The following SIRT5 variants were observed in gnomAD, a reference collection of about 807,000 sequenced individuals.
SIRT5 encodes the protein sirtuin 5.
Under a neutral mutation model 40.0 loss-of-function variants are expected in SIRT5, and 26 were observed. The observed-to-expected ratio is 0.65, with a 90% CI of 0.48 to 0.90. SIRT5 has a LOEUF of 0.90. Among genes scored for constraint, SIRT5 ranks in the 40% least tolerant of loss-of-function variants. The pLI is 0.00. For synonymous variants in SIRT5, 146 were observed against 149.1 expected, an observed-to-expected ratio of 0.98 and a Z score of 0.15; for missense variants, 401 against 402.4, an observed-to-expected ratio of 1.00 and a Z score of 0.03.
chr6:13,611,215 A>ATC (rs1300063043), intron 9 of SIRT5, among the ~76,000 whole-genome samples: 1 of 122,366 alleles, frequency 8.2e-6, no homozygotes, highest in East Asian at 2.4e-4. Flanking sequence ...GTGTATATAT[A>ATC]TATATATATA....
At chr6:13,584,776 T>C (rs1395198873) in intron 3 of SIRT5, among the ~76,000 whole-genome samples, 2 of 152,018 alleles carry the variant, frequency 1.3e-5, no homozygotes, top group African/African-American at 4.8e-5. Flanking sequence ...TACACATGTT[T>C]TGTACTATAA....
intron 9 of SIRT5, chr6:13,604,854 C>CT (rs1173245675): frequency 9.7e-7 from 1 of 1,034,342 alleles, no homozygotes; most frequent in African/African-American, 1.7e-5. Context: ...ATGATTGTCT[C>CT]TAACAAACAG....
In SIRT5 at chr6:13,579,515, T is replaced by G. The variant is rs1376573791; in HGVS notation, c.-130T>G. On this transcript the variant is annotated 5_prime_UTR_variant, in exon 2 of 10. Coordinates refer to ENST00000606117, the MANE Select transcript of SIRT5 (RefSeq NM_012241.5). ...GAAGAAAATAATTTTCTGGATCAAATTAGAAGTCTGTATTATATTGATGTC... is the reference window on the plus strand; with the variant it reads ...GAAGAAAATAATTTTCTGGATCAAAGTAGAAGTCTGTATTATATTGATGTC... 2 of 152,226 alleles carry G rather than the reference T, an allele frequency of 1.3e-5. No individual in the cohort carries two copies. The highest frequency in any genetic ancestry group is 2.9e-5 in the Non-Finnish European group (2 of 68,032). The allele number at this position is 152,226 out of a possible 1,614,324, so 9.4% of individuals were successfully genotyped here.
chr6:13,602,515 A>C (rs1317059824), intron 9 of SIRT5, among the ~76,000 whole-genome samples: 1 of 152,072 alleles, frequency 6.6e-6, no homozygotes, highest in Non-Finnish European at 1.5e-5. Flanking sequence ...AAAAAAAAAA[A>C]CTTACTACAA....
rs781700642 is a variant in SIRT5 at position 13,611,777 on chromosome 6, T to C, written c.858-13T>C. ...GTAGTTCAAAACTGCTGTATTTGCT[T>C]CTTCTCTTTCAGGTTTCATTTCCAG... On this transcript the variant is annotated splice_polypyrimidine_tract_variant and intron_variant, in intron 9 of 9. Coordinates refer to ENST00000606117, the MANE Select transcript of SIRT5 (RefSeq NM_012241.5). 2.5e-6 allele frequency: 4 copies of C among 1,600,956 alleles called. No homozygotes were observed. Among genetic ancestry groups the C allele is most frequent in the Non-Finnish European group, 3.4e-6 (4 of 1,168,188 alleles).
chr6:13,597,109 C>G (rs762359998), intron 7 of SIRT5, 93 bp downstream of exon 7: 2 of 968,200 alleles, frequency 2.1e-6, no homozygotes, highest in African/African-American at 3.3e-5. Flanking sequence ...TTTGGCAAGA[C>G]GCCTCTTAAA....
At chr6:13,597,469 C>T (rs528067414) in intron 7 of SIRT5, among the ~76,000 whole-genome samples, 2 of 148,636 alleles carry the variant, frequency 1.3e-5, no homozygotes, top group South Asian at 4.3e-4. Context: ...ATTTTTATGC[C>T]AATTTTTCAA....
rs1428001254 is a variant in SIRT5, at chr6:13,614,948, G to A, written c.*3083G>A. The A allele has an allele frequency of 5.4e-6, 1 of 184,400 alleles. No homozygotes were observed. The highest frequency in any genetic ancestry group is 2.3e-5 in the African/African-American group (1 of 42,582). 11.4% of individuals were successfully genotyped at this position (184,400 alleles called of 1,614,324 possible). Reference sequence around the variant, plus strand: ...AATCTACACAAAGACTGACAAGCTGGATCCACTCGACGGAACCCAGGGCCA... The same window carrying A: ...AATCTACACAAAGACTGACAAGCTGAATCCACTCGACGGAACCCAGGGCCA... On this transcript the variant is annotated 3_prime_UTR_variant, in exon 10 of 10. Coordinates refer to ENST00000606117, the MANE Select transcript of SIRT5 (RefSeq NM_012241.5).
intron 5 of SIRT5, among the ~76,000 whole-genome samples, chr6:13,593,332 G>GCACTACTCATTTCGA (rs1761173676): frequency 6.6e-6 from 1 of 152,154 alleles, no homozygotes; most frequent in Non-Finnish European, 1.5e-5. Context: ...GGAAAGCGAG[G>GCACTACTCATTTCGA]CACTACTCAT....
At chr6:13,590,575 G>A (rs1270709970) in intron 4 of SIRT5, among the ~76,000 whole-genome samples, 1 of 151,922 alleles carries the variant, frequency 6.6e-6, no homozygotes, top group East Asian at 1.9e-4. Flanking sequence ...TTAGTTGTGT[G>A]TGTATTAACA....
intron 4 of SIRT5, among the ~76,000 whole-genome samples, chr6:13,590,706 TGTTTA>T (rs1760758851): frequency 6.6e-6 from 1 of 151,552 alleles, no homozygotes; most frequent in South Asian, 2.1e-4. Flanking sequence ...TATGTGTGTA[TGTTTA>T]GTTGTGGGTG....
chr6:13,592,915 A>ATTTAAT (rs1554216371), intron 5 of SIRT5, among the ~76,000 whole-genome samples: 1 of 139,106 alleles, frequency 7.2e-6, no homozygotes, highest in Non-Finnish European at 1.5e-5. Flanking sequence ...ATTTAATTTA[A>ATTTAAT]TTTTTTTTTT....
intron 4 of SIRT5, chr6:13,589,436 T>A (rs922587977): frequency 1.3e-5 from 2 of 152,280 alleles, no homozygotes; most frequent in African/African-American, 4.8e-5. Context: ...GGCCTCTGTT[T>A]GTTTTATTCG....
At chr6:13,592,370 A>C (rs568739302) in intron 5 of SIRT5, among the ~76,000 whole-genome samples, 2 of 152,344 alleles carry the variant, frequency 1.3e-5, no homozygotes, top group East Asian at 3.9e-4. Context: ...CTGAGGAATA[A>C]GAGGCCTGGC....
At chr6:13,581,470 C>T (rs1052820801) in intron 2 of SIRT5, among the ~76,000 whole-genome samples, 6 of 152,124 alleles carry the variant, frequency 3.9e-5, no homozygotes, top group African/African-American at 9.7e-5. Flanking sequence ...TAGGTGGAGT[C>T]GCCATGTCTT....
At chr6:13,604,690 AG>A (rs1325485108) in intron 9 of SIRT5, 2 of 1,388,772 alleles carry the variant, frequency 1.4e-6, no homozygotes, top group African/African-American at 3.0e-5. Flanking sequence ...TTCATGTGAA[AG>A]AAACTGAACT....
Position 13,613,855 on chromosome 6 carries a change from G to C in SIRT5, c.*1990G>C, listed in dbSNP as rs1764136332. ...CAAGTTAACTTTATTCATTTTCCTA[G>C]TGTTAGTGTCTCAGGGAGTCTGATT... On this transcript the variant is annotated 3_prime_UTR_variant, in exon 10 of 10. Transcript: ENST00000606117. 6.6e-6 allele frequency: 1 copy of C among 152,146 alleles called. No individual in the cohort carries two copies. The highest frequency in any genetic ancestry group is 1.5e-5 in the Non-Finnish European group (1 of 68,024). 9.4% of individuals were successfully genotyped at this position (152,146 alleles called of 1,614,324 possible).
At chr6:13,597,646 A>C (rs983188811) in intron 7 of SIRT5, among the ~76,000 whole-genome samples, 14 of 152,058 alleles carry the variant, frequency 9.2e-5, no homozygotes, top group African/African-American at 3.4e-4. Flanking sequence ...CCTGGGTTGA[A>C]GTGATTCTTC....
chr6:13,606,348 C>T (rs182778458), intron 9 of SIRT5, among the ~76,000 whole-genome samples: 1 of 152,120 alleles, frequency 6.6e-6, no homozygotes, highest in Admixed American at 6.5e-5. Context: ...GGAAGACACC[C>T]AAGCTACCTG....
Sources: allele counts gnomAD v4.1 joint callset (sites outside exome capture counted in the v4.1 genomes callset), GRCh38; gene constraint gnomAD v4.1.1; transcripts MANE v1.5; gene names NCBI Gene and HGNC (gene_info 2026-07-23, HGNC 2026-07-21).